FSTL4: variants seen among roughly 807,000 people sequenced by gnomAD.
The protein encoded by FSTL4 is follistatin-related protein 4.
A neutral mutation model predicts 78.2 loss-of-function variants in FSTL4; 28 were observed. That is an observed-to-expected ratio of 0.36 (90% CI 0.27 to 0.49). FSTL4 has a LOEUF of 0.49. Among genes scored for constraint, FSTL4 ranks in the 20% least tolerant of loss-of-function variants. The pLI, the probability that FSTL4 is intolerant of heterozygous loss-of-function variation, is 0.98. For missense variants in FSTL4, 922 were observed against 1,084.9 expected, an observed-to-expected ratio of 0.85 and a Z score of 2.11; for synonymous variants, 422 against 440.5, an observed-to-expected ratio of 0.96 and a Z score of 0.53.
the FSTL4 span, among the ~76,000 whole-genome samples, chr5:133,678,831 A>G: frequency 1.3e-5 from 2 of 152,124 alleles, no homozygotes; most frequent in Non-Finnish European, 2.9e-5. Context: ...GGCCTGGAGA[A>G]GTCAGTATTT....
chr5:133,464,306 T>C (rs1449412770), intron 3 of FSTL4, among the ~76,000 whole-genome samples: 1 of 152,218 alleles, frequency 6.6e-6, no homozygotes, highest in Non-Finnish European at 1.5e-5. Flanking sequence ...GCTGCTACAT[T>C]TTCCCAAGAA....
At chr5:133,570,813 C>T (rs1760138960) in intron 2 of FSTL4, among the ~76,000 whole-genome samples, 1 of 152,060 alleles carries the variant, frequency 6.6e-6, no homozygotes, top group Admixed American at 6.5e-5. Context: ...TGAGATGAGC[C>T]CCATATTCAC....
chr5:133,771,550 G>C, the FSTL4 span, among the ~76,000 whole-genome samples: 58 of 152,208 alleles, frequency 3.8e-4, 1 homozygote, highest in African/African-American at 1.3e-3. Context: ...TCAGTGTATA[G>C]AAACACTACT....
At chr5:133,422,355 A>T (rs116232614) in intron 3 of FSTL4, among the ~76,000 whole-genome samples, 155 of 152,186 alleles carry the variant, frequency 1.0e-3, no homozygotes, top group African/African-American at 3.7e-3. Flanking sequence ...AGAAGCAGGG[A>T]GGCAGCCTAG....
At chr5:133,262,859 G>C (rs984199811) in intron 6 of FSTL4, among the ~76,000 whole-genome samples, 1 of 152,064 alleles carries the variant, frequency 6.6e-6, no homozygotes, top group Non-Finnish European at 1.5e-5. Flanking sequence ...TGGTGTGGGG[G>C]GAGGTGGGCA....
At chr5:133,483,697 C>T (rs867835538) in intron 3 of FSTL4, among the ~76,000 whole-genome samples, 27 of 152,222 alleles carry the variant, frequency 1.8e-4, no homozygotes, top group East Asian at 1.5e-3. Flanking sequence ...AAGGCACAGG[C>T]GGGACATGGT....
In FSTL4 at chr5:133,345,519, T is replaced by C. The variant is rs150019654; in HGVS notation, c.410-28867A>G. 4.9e-3 allele frequency among the ~76,000 whole-genome samples: 746 copies of C among 152,356 alleles called. 10 individuals carry two copies. Among genetic ancestry groups the C allele is most frequent in the African/African-American group, 0.017 (693 of 41,578 alleles). On this transcript the variant is annotated intron_variant, in intron 4 of 15. Transcript: ENST00000265342. ...GCCCATGCCTACATCGTGAATGGTATTGCCTAGGTTTTCTTCTAGGGTTTT... is the reference window on the plus strand; with the variant it reads ...GCCCATGCCTACATCGTGAATGGTACTGCCTAGGTTTTCTTCTAGGGTTTT...
intron 3 of FSTL4, among the ~76,000 whole-genome samples, chr5:133,425,491 C>T (rs73280160): frequency 0.019 from 2,906 of 152,260 alleles, 87 homozygotes; most frequent in African/African-American, 0.065. Context: ...AAAGCTATGT[C>T]GAATGTGAGT....
At chr5:133,836,718 A>G in the FSTL4 span, among the ~76,000 whole-genome samples, 46 of 152,026 alleles carry the variant, frequency 3.0e-4, no homozygotes, top group Non-Finnish European at 5.9e-4. Flanking sequence ...TTCACTGGAT[A>G]TAGAATTCTG....
chr5:133,218,616 C>T (rs114085098), intron 12 of FSTL4, among the ~76,000 whole-genome samples: 1,942 of 152,338 alleles, frequency 0.013, 43 homozygotes, highest in African/African-American at 0.045. Flanking sequence ...TCCTCAATCA[C>T]GCCGCTCTCC....
chr5:133,272,358 T>C (rs1752786019), intron 6 of FSTL4, among the ~76,000 whole-genome samples: 1 of 152,204 alleles, frequency 6.6e-6, no homozygotes, highest in South Asian at 2.1e-4. Flanking sequence ...GAAAAAGCAG[T>C]TTGCCCAGCG....
chr5:133,330,950 C>T (rs953470902), intron 4 of FSTL4, among the ~76,000 whole-genome samples: 1 of 152,172 alleles, frequency 6.6e-6, no homozygotes, highest in African/African-American at 2.4e-5. Context: ...GCTGTGGACA[C>T]ACGTGCACCT....
chr5:133,681,131 C>G, the FSTL4 span, among the ~76,000 whole-genome samples: 1 of 152,242 alleles, frequency 6.6e-6, no homozygotes, highest in Non-Finnish European at 1.5e-5. Flanking sequence ...TGGAGGCGGA[C>G]AGGCAGGCAG....
chr5:133,459,492 A>C (rs973502115), intron 3 of FSTL4, among the ~76,000 whole-genome samples: 2 of 152,242 alleles, frequency 1.3e-5, no homozygotes. Context: ...GTGTCAATAT[A>C]AAATAATGTT....
chr5:133,340,385 G>T (rs1185051432), intron 4 of FSTL4, among the ~76,000 whole-genome samples: 2 of 152,142 alleles, frequency 1.3e-5, no homozygotes, highest in Admixed American at 6.5e-5. Flanking sequence ...AACCTCCAGG[G>T]GTTTGATCCC....
At chr5:133,415,139 T>A (rs1031817727) in intron 3 of FSTL4, among the ~76,000 whole-genome samples, 6 of 152,346 alleles carry the variant, frequency 3.9e-5, no homozygotes, top group South Asian at 2.1e-4. Flanking sequence ...CTGAGTTGAG[T>A]TTGAAGTATC....
the FSTL4 span, among the ~76,000 whole-genome samples, chr5:133,712,649 A>G: frequency 3.3e-5 from 5 of 152,226 alleles, no homozygotes; most frequent in Non-Finnish European, 7.3e-5. Context: ...GTCACTTCCA[A>G]GGGAACCTCC....
At chr5:133,625,724 C>CATATATAT in the FSTL4 span, among the ~76,000 whole-genome samples, 3 of 58,828 alleles carry the variant, frequency 5.1e-5, 1 homozygote, top group African/African-American at 3.1e-4. Context: ...GAGACAGTTC[C>CATATATAT]ATATATATAT....
chr5:133,316,916 C>A (rs1319915609), intron 4 of FSTL4, among the ~76,000 whole-genome samples: 1 of 152,176 alleles, frequency 6.6e-6, no homozygotes, highest in Non-Finnish European at 1.5e-5. Context: ...TTGTTGAGCA[C>A]CACTACAAGC....
Sources: allele counts gnomAD v4.1 joint callset (sites outside exome capture counted in the v4.1 genomes callset), GRCh38; gene constraint gnomAD v4.1.1; transcripts MANE v1.5; gene names NCBI Gene and HGNC (gene_info 2026-07-23, HGNC 2026-07-21).